Variants in KCNIP1 observed in about 807,000 individuals in gnomAD.
KCNIP1 encodes potassium voltage-gated channel interacting protein 1.
Under a neutral mutation model 33.0 loss-of-function variants are expected in KCNIP1, and 18 were observed. The ratio of observed to expected loss-of-function variants is 0.55; its 90% CI spans 0.38 to 0.81. KCNIP1 has a LOEUF of 0.81. Among genes scored for constraint, KCNIP1 ranks in the 30% least tolerant of loss-of-function variants. KCNIP1 has a pLI of 0.00. For synonymous variants in KCNIP1, 93 were observed against 98.3 expected (o/e 0.95, Z 0.32); for missense variants, 238 against 271.6 (o/e 0.88, Z 0.87).
chr5:170,398,663 G>A (rs1754818795), intron 1 of KCNIP1, among the ~76,000 whole-genome samples: 1 of 152,192 alleles, frequency 6.6e-6, no homozygotes, highest in Admixed American at 6.5e-5. Flanking sequence ...CATTCTAACT[G>A]TCCTTTTTCT....
intron 1 of KCNIP1, among the ~76,000 whole-genome samples, chr5:170,629,383 C>T (rs1341109305): frequency 6.6e-6 from 1 of 152,186 alleles, no homozygotes; most frequent in Non-Finnish European, 1.5e-5. Context: ...GGCCAAGGGA[C>T]TCCTCCCCCA....
intron 1 of KCNIP1, among the ~76,000 whole-genome samples, chr5:170,631,028 G>C (rs552218635): frequency 6.6e-6 from 1 of 152,132 alleles, no homozygotes; most frequent in East Asian, 1.9e-4. Flanking sequence ...AGTACAGATT[G>C]TCAATGACTC....
At chr5:170,570,005 G>GA (rs1311643371) in intron 1 of KCNIP1, among the ~76,000 whole-genome samples, 4 of 152,168 alleles carry the variant, frequency 2.6e-5, no homozygotes, top group Non-Finnish European at 5.9e-5. Context: ...CATGGATGGG[G>GA]ATAGGAGAGC....
intron 1 of KCNIP1, among the ~76,000 whole-genome samples, chr5:170,715,570 G>A (rs1763616981): frequency 6.6e-6 from 1 of 152,176 alleles, no homozygotes; most frequent in African/African-American, 2.4e-5. Context: ...TCATCACTGT[G>A]TGAGGCACTC....
intron 1 of KCNIP1, among the ~76,000 whole-genome samples, chr5:170,370,719 G>A (rs965031352): frequency 3.9e-5 from 6 of 152,222 alleles, no homozygotes; most frequent in African/African-American, 1.2e-4. Flanking sequence ...AGACCTGGGC[G>A]CAATGGCCCA....
intron 1 of KCNIP1, among the ~76,000 whole-genome samples, chr5:170,485,234 C>A (rs1757063335): frequency 6.6e-6 from 1 of 152,216 alleles, no homozygotes; most frequent in Non-Finnish European, 1.5e-5. Context: ...GCCACCGCAC[C>A]CAGCCAGATC....
rs1036345640 is a variant in KCNIP1 at position 170,482,422 on chromosome 5, C to T, written c.88+128458C>T. Among the ~76,000 whole-genome samples the T allele has an allele frequency of 3.3e-5, 5 of 152,260 alleles. No individual in the cohort carries two copies. The South Asian group carries it at 8.3e-4, about 25-fold the overall frequency. On this transcript the variant is annotated intron_variant, in intron 1 of 7. Transcript: ENST00000377360. ...TCCCTAATGTGTGCCAGGCACAGTA[C>T]GGGGCCTTTTGCAGCTATTATATCA...
At chr5:170,676,472 G>T (rs1762149519) in intron 1 of KCNIP1, among the ~76,000 whole-genome samples, 1 of 152,150 alleles carries the variant, frequency 6.6e-6, no homozygotes, top group African/African-American at 2.4e-5. Context: ...CTCTGAGATG[G>T]TGCTCTGAGG....
In KCNIP1 at chr5:170,645,887, C is replaced by A. The variant is rs542660384; in HGVS notation, c.62-72871C>A. On this transcript the variant is annotated intron_variant, in intron 1 of 7. Coordinates refer to ENST00000328939, the MANE Select transcript of KCNIP1 (RefSeq NM_014592.4). ...AAATAACATAGGTCAAAAAAGAAATCTTGAGAAATTAAAAAAAAATACTCT... is the reference window on the plus strand; with the variant it reads ...AAATAACATAGGTCAAAAAAGAAATATTGAGAAATTAAAAAAAAATACTCT... Among the ~76,000 whole-genome samples, 3 of 150,086 alleles carry A rather than the reference C, an allele frequency of 2.0e-5. No homozygotes were observed. In the South Asian group the frequency reaches 6.3e-4, roughly 32 times the overall value.
At chr5:170,387,806 C>G (rs1213784877) in intron 1 of KCNIP1, among the ~76,000 whole-genome samples, 1 of 152,236 alleles carries the variant, frequency 6.6e-6, no homozygotes, top group Non-Finnish European at 1.5e-5. Flanking sequence ...TGGAGGTAAG[C>G]TAAAAGCCCC....
chr5:170,354,913 G>A (rs1561580903), intron 1 of KCNIP1, among the ~76,000 whole-genome samples: 1 of 152,208 alleles, frequency 6.6e-6, no homozygotes, highest in East Asian at 1.9e-4. Context: ...GGGCTGGGGA[G>A]AGAGGCACTG....
intron 1 of KCNIP1, among the ~76,000 whole-genome samples, chr5:170,454,124 T>C (rs986456274): frequency 1.3e-5 from 2 of 152,226 alleles, no homozygotes; most frequent in Admixed American, 6.5e-5. Flanking sequence ...TTCAATCCAT[T>C]CACAGGAAAG....
chr5:170,567,539 G>A (rs1757245936), intron 1 of KCNIP1, among the ~76,000 whole-genome samples: 1 of 152,214 alleles, frequency 6.6e-6, no homozygotes, highest in South Asian at 2.1e-4. Flanking sequence ...AAAAGCTTCA[G>A]AGCTCAGACG....
chr5:170,664,690 G>A (rs962331027), intron 1 of KCNIP1, among the ~76,000 whole-genome samples: 2 of 151,572 alleles, frequency 1.3e-5, no homozygotes, highest in South Asian at 2.1e-4. Context: ...CAGACAAGGC[G>A]CCCTGCCCTC....
chr5:170,391,444 G>A (rs1324772984), intron 1 of KCNIP1, among the ~76,000 whole-genome samples: 2 of 152,250 alleles, frequency 1.3e-5, no homozygotes, highest in African/African-American at 4.8e-5. Flanking sequence ...AAAAGGCATT[G>A]ACAAGCCCTG....
intron 1 of KCNIP1, among the ~76,000 whole-genome samples, chr5:170,556,184 G>A (rs1007264387): frequency 6.6e-6 from 1 of 152,214 alleles, no homozygotes; most frequent in African/African-American, 2.4e-5. Context: ...AGCAAGCTGT[G>A]GTTCATTAAA....
chr5:170,713,602 T>G (rs1335394978), intron 1 of KCNIP1, among the ~76,000 whole-genome samples: 1 of 152,220 alleles, frequency 6.6e-6, no homozygotes, highest in East Asian at 1.9e-4. Flanking sequence ...TCCAGATTTG[T>G]ACATGGATCT....
chr5:170,533,912 G>A (rs905209705), intron 1 of KCNIP1, among the ~76,000 whole-genome samples: 1 of 152,192 alleles, frequency 6.6e-6, no homozygotes, highest in Admixed American at 6.5e-5. Context: ...GCGGGAGTGG[G>A]AGGGCGGTTG....
At chr5:170,584,210 C>G (rs915914761) in intron 1 of KCNIP1, among the ~76,000 whole-genome samples, 1 of 152,202 alleles carries the variant, frequency 6.6e-6, no homozygotes, top group Non-Finnish European at 1.5e-5. Context: ...GGGCACTGGA[C>G]CTGGGAGCAG....
Sources: gnomAD v4.1 joint callset for allele counts (sites outside exome capture counted in the v4.1 genomes callset) on GRCh38, gnomAD v4.1.1 for gene constraint, MANE v1.5 for transcripts, NCBI Gene and HGNC (gene_info 2026-07-23, HGNC 2026-07-21) for gene names.